The following GALNT1 variants were observed in gnomAD, a reference collection of about 807,000 sequenced individuals.
GALNT1 encodes the protein GalNAc transferase 1.
Under a neutral mutation model 65.7 loss-of-function variants are expected in GALNT1, and 17 were observed. The ratio of observed to expected loss-of-function variants is 0.26; its 90% CI spans 0.18 to 0.39. The LOEUF (loss-of-function observed/expected upper bound fraction) is 0.39. Ranked by LOEUF, GALNT1 falls within the 10% of genes least tolerant of loss-of-function variation. The probability of loss-of-function intolerance (pLI) is 1.00; values close to 1 mark genes in which losing one functional copy is unlikely to be tolerated. For missense variants in GALNT1, 460 were observed against 672.8 expected (o/e 0.68, Z 3.50); for synonymous variants, 210 against 219.7 (o/e 0.96, Z 0.39).
chr18:35,627,462 A>T (rs1222325140), intron 1 of GALNT1: 3 of 152,196 alleles, frequency 2.0e-5, no homozygotes, highest in African/African-American at 7.2e-5. Flanking sequence ...TGGGATATGA[A>T]TTCATTTGAA....
At chr18:35,705,939 CAT>C (rs1245814263) in intron 11 of GALNT1, among the ~76,000 whole-genome samples, 1 of 152,142 alleles carries the variant, frequency 6.6e-6, no homozygotes, top group Non-Finnish European at 1.5e-5. Flanking sequence ...TACACTACCA[CAT>C]GTGTTGCTCT....
chr18:35,629,526 T>G (rs12961083), intron 1 of GALNT1, among the ~76,000 whole-genome samples: 15,640 of 152,166 alleles, frequency 0.1, 888 homozygotes, highest in Admixed American at 0.18. Flanking sequence ...TGAGAGATTT[T>G]GTCACCACCA....
At chr18:35,587,991 AT>A (rs2046397767) in intron 1 of GALNT1, among the ~76,000 whole-genome samples, 2 of 151,936 alleles carry the variant, frequency 1.3e-5, no homozygotes, top group Non-Finnish European at 2.9e-5. Flanking sequence ...GTTTGATTCC[AT>A]TTTGGTTGGA....
chr18:35,602,445 G>A (rs2046593864), intron 1 of GALNT1, among the ~76,000 whole-genome samples: 1 of 152,024 alleles, frequency 6.6e-6, no homozygotes, highest in Non-Finnish European at 1.5e-5. Flanking sequence ...ATTTGAATAA[G>A]CTTTCTATCC....
At chr18:35,655,315 T>C (rs1192637662) in intron 2 of GALNT1, among the ~76,000 whole-genome samples, 5 of 151,116 alleles carry the variant, frequency 3.3e-5, no homozygotes, top group African/African-American at 1.2e-4. Flanking sequence ...TTTGAAAAGA[T>C]TGGGTGATAG....
chr18:35,665,042 C>T (rs1487571201), intron 3 of GALNT1, among the ~76,000 whole-genome samples: 1 of 152,200 alleles, frequency 6.6e-6, no homozygotes, highest in South Asian at 2.1e-4. Flanking sequence ...TATGGAAACT[C>T]ATAGTCATTG....
intron 9 of GALNT1, among the ~76,000 whole-genome samples, chr18:35,702,001 C>T (rs1475610739): frequency 6.6e-6 from 1 of 152,144 alleles, no homozygotes; most frequent in African/African-American, 2.4e-5. Context: ...GACATTACCC[C>T]CCCAGTTCCT....
At chr18:35,704,998 T>C (rs970415439) in intron 11 of GALNT1, among the ~76,000 whole-genome samples, 1 of 152,210 alleles carries the variant, frequency 6.6e-6, no homozygotes, top group South Asian at 2.1e-4. Flanking sequence ...CACTACTGTT[T>C]AGGTTCTTCT....
intron 9 of GALNT1, among the ~76,000 whole-genome samples, chr18:35,698,138 A>G (rs964540761): frequency 6.6e-6 from 1 of 152,206 alleles, no homozygotes; most frequent in Non-Finnish European, 1.5e-5. Flanking sequence ...GTCAGCATCT[A>G]GACCTGCACA....
At chr18:35,586,974 G>T (rs2046384932) in intron 1 of GALNT1, among the ~76,000 whole-genome samples, 1 of 152,118 alleles carries the variant, frequency 6.6e-6, no homozygotes, top group South Asian at 2.1e-4. Flanking sequence ...AACACAGGTT[G>T]TCTCTCCATT....
At position 35,654,606 on chromosome 18, in the gene GALNT1, G is replaced by T. The variant is rs539393172; in HGVS notation, c.-57G>T. On this transcript the variant is annotated 5_prime_UTR_variant, in exon 2 of 12. An upstream start codon of the reference 5' UTR is lost. Transcript: ENST00000269195. ...GAAACTGGATTGGAATAATTTTCAT[G>T]ATCTTTGTATATTTATATATATATA... 6 of 979,916 alleles carry T rather than the reference G, an allele frequency of 6.1e-6. No individual in the cohort carries two copies. The highest frequency in any genetic ancestry group is 3.6e-5 in the East Asian group (1 of 28,138). 60.7% of individuals were successfully genotyped at this position (979,916 alleles called of 1,614,324 possible).
intron 3 of GALNT1, among the ~76,000 whole-genome samples, 180 bp from the exon 4 acceptor site, chr18:35,677,411 A>G (rs1225275200): frequency 6.6e-6 from 1 of 152,206 alleles, no homozygotes; most frequent in Admixed American, 6.5e-5. Context: ...TAAATATATC[A>G]CTTTAAATAG....
intron 1 of GALNT1, among the ~76,000 whole-genome samples, chr18:35,628,331 T>A (rs2046949731): frequency 6.6e-6 from 1 of 152,156 alleles, no homozygotes; most frequent in African/African-American, 2.4e-5. Context: ...AGGGGCAGAC[T>A]GACACTTCAC....
At chr18:35,641,479 C>T (rs1165926339) in intron 1 of GALNT1, among the ~76,000 whole-genome samples, 1 of 152,102 alleles carries the variant, frequency 6.6e-6, no homozygotes, top group Non-Finnish European at 1.5e-5. Flanking sequence ...GTACATTTAA[C>T]TCACACAAGG....
At chr18:35,648,422 G>A (rs564799960) in intron 1 of GALNT1, among the ~76,000 whole-genome samples, 1 of 152,232 alleles carries the variant, frequency 6.6e-6, no homozygotes, top group Admixed American at 6.5e-5. Context: ...AGGCATTTTC[G>A]ACTTTCGACT....
At position 35,702,976 on chromosome 18, in the gene GALNT1, A is replaced by G; in HGVS notation, c.1379A>G (p.His460Arg). Reference sequence around the variant, plus strand: ...GAAAAAGTTGGAATTTTTAATTGCCATGGTATGGGGGGTAATCAGGTGAGT... The same window carrying G: ...GAAAAAGTTGGAATTTTTAATTGCCGTGGTATGGGGGGTAATCAGGTGAGT... The part of the protein sequence containing the change: ...ENEKVGIFNC[H>R]GMGGNQVFSY... The change falls in exon 10 of 12, where the codon CAT becomes CGT. Residue 460 changes from histidine to arginine, a missense_variant. By Grantham distance (29) the His-to-Arg change is conservative. Transcript: ENST00000269195. 1.2e-6 allele frequency: 2 copies of G among 1,607,450 alleles called. No individual in the cohort carries two copies. Among genetic ancestry groups the G allele is most frequent in the Non-Finnish European group, 1.7e-6 (2 of 1,176,170 alleles).
chr18:35,707,548 C>T (rs1043101778), intron 11 of GALNT1, among the ~76,000 whole-genome samples: 1 of 152,212 alleles, frequency 6.6e-6, no homozygotes, highest in African/African-American at 2.4e-5. Context: ...TGCTGCTCAC[C>T]TTCCAAGTTA....
chr18:35,687,127 G>C lies in GALNT1; in HGVS notation c.801G>C (p.Trp267Cys). The C allele has an allele frequency of 6.2e-7, 1 of 1,613,836 alleles. No homozygotes were observed. Among genetic ancestry groups the C allele is most frequent in the Non-Finnish European group, 8.5e-7 (1 of 1,179,848 alleles). The change falls in exon 6 of 12, where the codon TGG becomes TGC. Residue 267 changes from tryptophan to cysteine, a missense_variant. Physicochemically the swap from Trp to Cys is radical, Grantham distance 215. Transcript: ENST00000269195. ...TCAACTGGAAGCTCAATTTTCGCTGGTATCCTGTTCCCCAAAGAGAAATGG... is the reference window on the plus strand; with the variant it reads ...TCAACTGGAAGCTCAATTTTCGCTGCTATCCTGTTCCCCAAAGAGAAATGG... ...GGFNWKLNFR[W>C]YPVPQREMDR...
chr18:35,676,596 C>T (rs186822933), intron 3 of GALNT1, among the ~76,000 whole-genome samples: 9 of 152,182 alleles, frequency 5.9e-5, no homozygotes, highest in East Asian at 1.9e-4. Flanking sequence ...CACTGACAGG[C>T]GATTACAGTT....
Sources: gnomAD v4.1 joint callset for allele counts (sites outside exome capture counted in the v4.1 genomes callset) on GRCh38, gnomAD v4.1.1 for gene constraint, MANE v1.5 for transcripts, NCBI Gene and HGNC (gene_info 2026-07-23, HGNC 2026-07-21) for gene names.